Variants in TCF4 observed in about 807,000 individuals in gnomAD.
TCF4 encodes the protein SL3-3 enhancer factor 2.
TCF4 carries 3 observed loss-of-function variants against 82.1 expected under a neutral mutation model. That is an observed-to-expected ratio of 0.04 (90% CI 0.02 to 0.09). The LOEUF (loss-of-function observed/expected upper bound fraction) is 0.09, where lower values mean the gene tolerates loss of function less well. Among genes scored for constraint, TCF4 ranks in the 10% least tolerant of loss-of-function variants. The probability of loss-of-function intolerance (pLI) is 1.00; values close to 1 mark genes in which losing one functional copy is unlikely to be tolerated. For synonymous variants in TCF4, 276 were observed against 309.6 expected, an observed-to-expected ratio of 0.89 and a Z score of 1.14; for missense variants, 518 against 852.7, an observed-to-expected ratio of 0.61 and a Z score of 4.89.
chr18:55,472,730 T>C (rs867178527), intron 3 of TCF4, among the ~76,000 whole-genome samples: 5 of 150,290 alleles, frequency 3.3e-5, no homozygotes, highest in South Asian at 4.3e-4. Flanking sequence ...AGTTACCATA[T>C]CTGAAGACTT....
At chr18:55,422,762 AG>A (rs1213463140) in intron 5 of TCF4, among the ~76,000 whole-genome samples, 1 of 152,202 alleles carries the variant, frequency 6.6e-6, no homozygotes, top group East Asian at 1.9e-4. Flanking sequence ...CAACCTTGTC[AG>A]CAAAAGCATT....
At chr18:55,329,420 A>G (rs1179987839) in intron 8 of TCF4, among the ~76,000 whole-genome samples, 1 of 152,250 alleles carries the variant, frequency 6.6e-6, no homozygotes, top group Non-Finnish European at 1.5e-5. Flanking sequence ...CTATTAAAAG[A>G]CAACAACTTA....
chr18:55,249,526 C>CT (rs1230365609), intron 15 of TCF4, among the ~76,000 whole-genome samples: 1 of 152,166 alleles, frequency 6.6e-6, no homozygotes, highest in Non-Finnish European at 1.5e-5. Context: ...ACTAAACAAC[C>CT]ATGTGATCTT....
At chr18:55,615,437 C>A (rs958703563) in intron 2 of TCF4, among the ~76,000 whole-genome samples, 1 of 151,720 alleles carries the variant, frequency 6.6e-6, no homozygotes, top group Non-Finnish European at 1.5e-5. Context: ...TTTAAGATTC[C>A]ACCAGATTTG....
At chr18:55,412,888 T>C (rs906822581) in intron 5 of TCF4, among the ~76,000 whole-genome samples, 3 of 152,136 alleles carry the variant, frequency 2.0e-5, no homozygotes, top group African/African-American at 4.8e-5. Context: ...AAGATAAAAA[T>C]GATACAACTC....
chr18:55,585,936 T>G (rs2097640466), intron 2 of TCF4: 1 of 1,262,844 alleles, frequency 7.9e-7, no homozygotes, highest in Non-Finnish European at 1.0e-6. Context: ...CTAATTGGTT[T>G]CCCTCTTCTT....
intron 8 of TCF4, 142 bp downstream of exon 8, chr18:55,350,217 G>T: frequency 2.4e-6 from 2 of 822,756 alleles, no homozygotes; most frequent in South Asian, 1.5e-5. Context: ...GGCTGGATGT[G>T]CAGGTCATTT....
At chr18:55,295,595 T>C (rs980598828) in intron 8 of TCF4, among the ~76,000 whole-genome samples, 3 of 152,218 alleles carry the variant, frequency 2.0e-5, no homozygotes, top group Admixed American at 6.5e-5. Context: ...TTAAATTCAA[T>C]TACTTCTCAG....
chr18:55,460,516 T>C (rs1352121728), intron 5 of TCF4, among the ~76,000 whole-genome samples: 1 of 152,228 alleles, frequency 6.6e-6, no homozygotes, highest in Non-Finnish European at 1.5e-5. Context: ...CATGCCTTGA[T>C]AAATATACAA....
intron 3 of TCF4, among the ~76,000 whole-genome samples, chr18:55,515,541 G>T (rs1021618921): frequency 1.3e-5 from 2 of 152,194 alleles, no homozygotes; most frequent in Admixed American, 6.6e-5. Context: ...AAACTCCCAT[G>T]AAGAGGTAGA....
intron 11 of TCF4, 26 bp from the exon 12 acceptor site, chr18:55,261,559 A>T: frequency 6.2e-7 from 1 of 1,613,722 alleles, no homozygotes; most frequent in Non-Finnish European, 8.5e-7. Context: ...GCAGAATATG[A>T]AAACCAGGCA....
At chr18:55,499,858 C>CA (rs1437767917) in intron 3 of TCF4, among the ~76,000 whole-genome samples, 3 of 151,954 alleles carry the variant, frequency 2.0e-5, no homozygotes, top group Admixed American at 6.6e-5. Flanking sequence ...ATGGGAAGCC[C>CA]AAAAAAATGA....
chr18:55,275,804 A>G (rs2061409838), intron 9 of TCF4, 52 bp from the exon 10 acceptor site: 1 of 1,612,442 alleles, frequency 6.2e-7, no homozygotes, highest in East Asian at 2.2e-5. Flanking sequence ...GCCTTGCCTT[A>G]TAGAATAGGG....
chr18:55,399,870 T>TCA (rs1384637765), intron 6 of TCF4, among the ~76,000 whole-genome samples: 10 of 131,616 alleles, frequency 7.6e-5, no homozygotes, highest in African/African-American at 2.8e-4. Flanking sequence ...TCTCTCTCTC[T>TCA]CTCTCTCTCT....
chr18:55,619,746 A>C (rs759946026), intron 2 of TCF4, among the ~76,000 whole-genome samples: 1 of 152,092 alleles, frequency 6.6e-6, no homozygotes, highest in Non-Finnish European at 1.5e-5. Context: ...CCTTTTTGAC[A>C]TACCCAGTCA....
At chr18:55,235,643 A>C (rs1290171079) in intron 15 of TCF4, among the ~76,000 whole-genome samples, 1 of 152,226 alleles carries the variant, frequency 6.6e-6, no homozygotes, top group Non-Finnish European at 1.5e-5. Context: ...CATGCCTTCA[A>C]GCGAAAACAT....
intron 12 of TCF4, 163 bp downstream of exon 12, chr18:55,261,303 G>A: frequency 1.2e-6 from 1 of 826,494 alleles, no homozygotes; most frequent in Non-Finnish European, 2.1e-6. Context: ...GGAAGCTTCA[G>A]AGCCTTCTCA....
At chr18:55,400,178 A>G (rs946248579) in intron 6 of TCF4, among the ~76,000 whole-genome samples, 2 of 152,190 alleles carry the variant, frequency 1.3e-5, no homozygotes, top group African/African-American at 4.8e-5. Flanking sequence ...GGCATTTGCA[A>G]TGATGCCCAT....
chr18:55,568,016 A>G (rs1197034766), intron 3 of TCF4, among the ~76,000 whole-genome samples: 1 of 152,150 alleles, frequency 6.6e-6, no homozygotes, highest in Non-Finnish European at 1.5e-5. Flanking sequence ...TGTAAATATT[A>G]AAATACTTAT....
Sources: gnomAD v4.1 joint callset for allele counts (sites outside exome capture counted in the v4.1 genomes callset) on GRCh38, gnomAD v4.1.1 for gene constraint, MANE v1.5 for transcripts, NCBI Gene and HGNC (gene_info 2026-07-23, HGNC 2026-07-21) for gene names.